SUGCT: variants seen among roughly 807,000 people sequenced by gnomAD.
The protein encoded by SUGCT is succinyl-CoA:glutarate CoA-transferase.
In SUGCT, 41 loss-of-function variants were observed where a neutral mutation model predicts 55.0. That is an observed-to-expected ratio of 0.74 (90% CI 0.58 to 0.97). The LOEUF (loss-of-function observed/expected upper bound fraction) is 0.97. Ranked by LOEUF, SUGCT falls within the 50% of genes least tolerant of loss-of-function variation. The probability of loss-of-function intolerance (pLI) is 0.00; values close to 1 mark genes in which losing one functional copy is unlikely to be tolerated. For synonymous variants in SUGCT, 187 were observed against 200.4 expected, an observed-to-expected ratio of 0.93 and a Z score of 0.56; for missense variants, 568 against 547.8, an observed-to-expected ratio of 1.04 and a Z score of -0.37.
At chr7:40,738,380 T>A (rs1467732140) in intron 12 of SUGCT, among the ~76,000 whole-genome samples, 1 of 152,056 alleles carries the variant, frequency 6.6e-6, no homozygotes, top group African/African-American at 2.4e-5. Context: ...ATAATGTCAA[T>A]TCATGTAAAT....
At chr7:40,499,025 C>T (rs546662316) in intron 12 of SUGCT, 2 of 455,298 alleles carry the variant, frequency 4.4e-6, no homozygotes, top group African/African-American at 2.0e-5. Context: ...GGTATCCTCC[C>T]TTGTTTTGCC....
chr7:40,223,906 A>G (rs897968392), intron 6 of SUGCT, among the ~76,000 whole-genome samples: 3 of 152,144 alleles, frequency 2.0e-5, no homozygotes, highest in African/African-American at 7.2e-5. Flanking sequence ...GATGTTGTTT[A>G]GTCTTGGTTT....
the SUGCT span, among the ~76,000 whole-genome samples, chr7:40,956,832 G>A: frequency 1.3e-5 from 2 of 152,038 alleles, no homozygotes; most frequent in Admixed American, 1.3e-4. Flanking sequence ...TGTTCTCATT[G>A]GTTTCAAAGA....
At chr7:41,003,327 A>G in the SUGCT span, among the ~76,000 whole-genome samples, 2 of 152,188 alleles carry the variant, frequency 1.3e-5, no homozygotes, top group Non-Finnish European at 2.9e-5. Context: ...TTGACAACCA[A>G]AAGAAGAATT....
At chr7:40,960,602 A>G in the SUGCT span, among the ~76,000 whole-genome samples, 3 of 152,238 alleles carry the variant, frequency 2.0e-5, no homozygotes, top group African/African-American at 7.2e-5. Context: ...GTACTTTAGT[A>G]GCACTAGAAA....
At chr7:40,565,046 A>G (rs935463886) in intron 12 of SUGCT, among the ~76,000 whole-genome samples, 9 of 152,250 alleles carry the variant, frequency 5.9e-5, no homozygotes, top group African/African-American at 2.2e-4. Context: ...TGGATTCTGA[A>G]GAAGTACTGT....
chr7:40,561,735 A>T (rs369256514), intron 12 of SUGCT, among the ~76,000 whole-genome samples: 38 of 126,326 alleles, frequency 3.0e-4, no homozygotes, highest in African/African-American at 1.2e-3. Flanking sequence ...TCTGTTGCCC[A>T]GGGTGGAGTG....
At position 40,599,734 on chromosome 7, in the gene SUGCT, A is replaced by G. The variant is rs141898514; in HGVS notation, c.1089+103348A>G. ...GTATTGCTTTCTACCCACTGGTGTA[A>G]CTCTGGGCCTCTAGCTATACCTTCA... On this transcript the variant is annotated intron_variant, in intron 12 of 13. Coordinates refer to ENST00000335693, the MANE Select transcript of SUGCT (RefSeq NM_001193313.2). 2.9e-3 allele frequency among the ~76,000 whole-genome samples: 444 copies of G among 151,880 alleles called. 3 individuals carry two copies. Among genetic ancestry groups the G allele is most frequent in the African/African-American group, 9.9e-3 (409 of 41,392 alleles).
intron 13 of SUGCT, among the ~76,000 whole-genome samples, chr7:40,813,904 A>G (rs35995194): frequency 0.42 from 63,369 of 151,966 alleles, 14,106 homozygotes; most frequent in South Asian, 0.59. Flanking sequence ...CTGTTGTAAG[A>G]CTTGTCTAGT....
chr7:40,144,123 A>G (rs1022465388), intron 1 of SUGCT, among the ~76,000 whole-genome samples: 3 of 152,222 alleles, frequency 2.0e-5, no homozygotes, highest in South Asian at 2.1e-4. Flanking sequence ...GTCTTTACCA[A>G]AATCTCCCTG....
chr7:40,633,114 A>G (rs1266197446), intron 12 of SUGCT, among the ~76,000 whole-genome samples: 2 of 152,216 alleles, frequency 1.3e-5, no homozygotes, highest in Non-Finnish European at 2.9e-5. Context: ...GAGATTCATC[A>G]CATAGCACAA....
chr7:40,363,797 G>T (rs1343346971), intron 9 of SUGCT, among the ~76,000 whole-genome samples: 2 of 152,100 alleles, frequency 1.3e-5, no homozygotes, highest in Non-Finnish European at 2.9e-5. Flanking sequence ...CTGTTGATTT[G>T]GGGTGGAGAG....
chr7:40,332,552 T>G (rs942041659), intron 9 of SUGCT, among the ~76,000 whole-genome samples: 11 of 152,092 alleles, frequency 7.2e-5, no homozygotes, highest in Non-Finnish European at 1.2e-4. Context: ...ATTGTTCTTT[T>G]TTGCCTACCA....
At chr7:40,724,814 TA>T (rs1786531651) in intron 12 of SUGCT, among the ~76,000 whole-genome samples, 1 of 152,056 alleles carries the variant, frequency 6.6e-6, no homozygotes, top group African/African-American at 2.4e-5. Flanking sequence ...CTATATCCTT[TA>T]TTTTTTAAAA....
intron 12 of SUGCT, among the ~76,000 whole-genome samples, chr7:40,686,143 T>A (rs892555114): frequency 1.7e-4 from 26 of 152,220 alleles, no homozygotes; most frequent in Admixed American, 1.5e-3. Context: ...TTTCTTCTGG[T>A]TCCTGGTTTC....
At chr7:40,456,017 T>A (rs1375480838) in intron 10 of SUGCT, among the ~76,000 whole-genome samples, 1 of 149,562 alleles carries the variant, frequency 6.7e-6, no homozygotes, top group Non-Finnish European at 1.5e-5. Context: ...ATATTTATAT[T>A]TTATTTATTT....
chr7:40,634,214 A>G (rs980451765), intron 12 of SUGCT, among the ~76,000 whole-genome samples: 4 of 152,230 alleles, frequency 2.6e-5, no homozygotes, highest in Non-Finnish European at 4.4e-5. Context: ...ACAAAAACAC[A>G]GTGAAAAAAC....
chr7:40,860,372 C>A lies in SUGCT; in HGVS notation c.1210C>A (p.Leu404Ile). Reference protein sequence around the residue: ...KMSEARPPPLLGQHTTHILKE... With the variant: ...KMSEARPPPLIGQHTTHILKE... ...GTCAGAGGCCAGGCCGCCCCCGCTG[C>A]TCGGGCAGCACACAACGCACATCCT... Residue 404 changes from leucine to isoleucine, a missense_variant, in exon 14 of 14, where the codon CTC (leucine) becomes ATC (isoleucine). By Grantham distance (5) the Leu-to-Ile change is conservative. Transcript: ENST00000335693. 1 of 1,613,986 alleles carries A rather than the reference C, an allele frequency of 6.2e-7. No individual in the cohort carries two copies. The highest frequency in any genetic ancestry group is 8.5e-7 in the Non-Finnish European group (1 of 1,179,866).
chr7:40,932,013 G>A, the SUGCT span, among the ~76,000 whole-genome samples: 4 of 152,134 alleles, frequency 2.6e-5, no homozygotes, highest in Non-Finnish European at 5.9e-5. Context: ...TCATTGTAAT[G>A]TTAGGATGTC....
Sources: gnomAD v4.1 joint callset for allele counts (sites outside exome capture counted in the v4.1 genomes callset) on GRCh38, gnomAD v4.1.1 for gene constraint, MANE v1.5 for transcripts, NCBI Gene and HGNC (gene_info 2026-07-23, HGNC 2026-07-21) for gene names.